Variants in TPP2 observed in about 807,000 individuals in gnomAD.
The protein encoded by TPP2 is tripeptidyl-peptidase 2.
TPP2 carries 34 observed loss-of-function variants against 155.9 expected under a neutral mutation model. The ratio of observed to expected loss-of-function variants is 0.22; its 90% CI spans 0.17 to 0.29. The LOEUF is 0.29. Among genes scored for constraint, TPP2 ranks in the 10% least tolerant of loss-of-function variants. The pLI is 1.00. For synonymous variants in TPP2, 510 were observed against 529.4 expected, an observed-to-expected ratio of 0.96 and a Z score of 0.50; for missense variants, 1,028 against 1,522.3, an observed-to-expected ratio of 0.68 and a Z score of 5.40.
In TPP2 at chr13:102,636,451, A is replaced by T. The variant is rs114501591; in HGVS notation, c.1678+59A>T. 5.4e-4 allele frequency: 839 copies of T among 1,542,706 alleles called. 3 individuals carry two copies. In the African/African-American group the frequency reaches 0.01, roughly 19 times the overall value. On this transcript the variant is annotated intron_variant, in intron 13 of 29. Coordinates refer to ENST00000376052, the MANE Select transcript of TPP2 (RefSeq NM_001330588.2). The stretch of plus-strand genomic sequence containing the variant: ...CACATTTGCTGTTTGAATGAGTGGT[A>T]TCATAATAAAGAATTGCTGTTTGGG...
At chr13:102,667,786 G>A (rs1884702069) in intron 27 of TPP2, 2 of 985,432 alleles carry the variant, frequency 2.0e-6, no homozygotes, top group African/African-American at 1.7e-5. Context: ...CATCATTCCA[G>A]CCCTTCTCTG....
intron 14 of TPP2, 73 bp from the exon 15 acceptor site, chr13:102,638,166 G>A (rs2139511711): frequency 1.5e-6 from 2 of 1,359,898 alleles, no homozygotes; most frequent in Non-Finnish European, 2.1e-6. Flanking sequence ...TATTCTGTCA[G>A]TAGTTTAGAC....
At chr13:102,603,265 G>A (rs775337668) in intron 1 of TPP2, among the ~76,000 whole-genome samples, 10 of 152,216 alleles carry the variant, frequency 6.6e-5, no homozygotes, top group Non-Finnish European at 1.5e-4. Flanking sequence ...GAATAAAGTA[G>A]ACATGGCTCT....
intron 4 of TPP2, 41 bp from the exon 5 acceptor site, chr13:102,618,681 G>A: frequency 6.2e-7 from 1 of 1,604,212 alleles, no homozygotes; most frequent in Non-Finnish European, 8.5e-7. Flanking sequence ...CTTTTAGAAG[G>A]ACAGAATGTA....
Position 102,647,239 on chromosome 13 carries a change from A to G in TPP2, c.2523A>G (p.Pro841=). Residue 841 remains proline, a synonymous_variant, in exon 21 of 30, where the codon CCA becomes CCG. Transcript: ENST00000376052. Reference sequence around the variant, plus strand: ...GTGGGGAAGTAACTCCAAGCTGCCCACTACTTTGTGAACTATTATATGAAT... The same window carrying G: ...GTGGGGAAGTAACTCCAAGCTGCCCGCTACTTTGTGAACTATTATATGAAT... The part of the protein sequence containing the change: ...PKSGEVTPSC[P]LLCELLYESE... The G allele has an allele frequency of 6.2e-7, 1 of 1,613,780 alleles. No individual in the cohort carries two copies. The highest frequency in any genetic ancestry group is 8.5e-7 in the Non-Finnish European group (1 of 1,179,892).
rs1179925852 is a variant in TPP2, at chr13:102,678,367, G to A, written c.*51G>A. ...AAAAAAGGAAGTTTTATAGTGAATG[G>A]GTATAAAAACAAATTTGTGGCATTT... On this transcript the variant is annotated 3_prime_UTR_variant, in exon 30 of 30. Transcript: ENST00000376052. 3 of 1,550,772 alleles carry A rather than the reference G, an allele frequency of 1.9e-6. No homozygotes were observed. The highest frequency in any genetic ancestry group is 2.7e-6 in the Non-Finnish European group (3 of 1,129,594).
intron 2 of TPP2, among the ~76,000 whole-genome samples, chr13:102,606,666 C>A (rs935681421): frequency 6.6e-6 from 1 of 152,248 alleles, no homozygotes; most frequent in South Asian, 2.1e-4. Flanking sequence ...TCCTTAATTG[C>A]GTCTGCAAAA....
At chr13:102,602,299 C>T (rs1879490109) in intron 1 of TPP2, among the ~76,000 whole-genome samples, 1 of 151,996 alleles carries the variant, frequency 6.6e-6, no homozygotes, top group Admixed American at 6.6e-5. Flanking sequence ...ATTTTTGAGA[C>T]ATATAGCCTA....
chr13:102,678,103 G>GTCA (rs1246538898), intron 29 of TPP2, 124 bp from the exon 30 acceptor site: 1 of 938,868 alleles, frequency 1.1e-6, no homozygotes, highest in Non-Finnish European at 1.5e-6. Flanking sequence ...GTGACGGTTG[G>GTCA]TGGAAGGAAG....
chr13:102,656,373 T>C (rs947136395), intron 24 of TPP2, among the ~76,000 whole-genome samples: 2 of 152,186 alleles, frequency 1.3e-5, no homozygotes, highest in African/African-American at 4.8e-5. Context: ...CTGTGCTTGC[T>C]TTATACCCAG....
At chr13:102,668,872 G>C (rs924636670) in intron 27 of TPP2, among the ~76,000 whole-genome samples, 1 of 152,182 alleles carries the variant, frequency 6.6e-6, no homozygotes, top group African/African-American at 2.4e-5. Context: ...CATCTCCCAG[G>C]TAATGTCTGG....
rs1023540449 is a variant in TPP2 at position 102,678,594 on chromosome 13, T to A, written c.*278T>A. The stretch of plus-strand genomic sequence containing the variant: ...TAGGACTTCGAGTTGGGTTGCAGCT[T>A]ATGACATGCATGATAGGTTTTGGAA... On this transcript the variant is annotated 3_prime_UTR_variant, in exon 30 of 30. Transcript: ENST00000376052. 14 of 296,578 alleles carry A rather than the reference T, an allele frequency of 4.7e-5. No homozygotes were observed. The highest frequency in any genetic ancestry group is 2.8e-4 in the African/African-American group (13 of 46,514). 18.4% of individuals were successfully genotyped at this position (296,578 alleles called of 1,614,324 possible).
At position 102,652,442 on chromosome 13, in the gene TPP2, ATATATATATAT is replaced by A. The variant is rs1566359201; in HGVS notation, c.2991+1046_2991+1056del. Among the ~76,000 whole-genome samples, 219 of 43,996 alleles carry A rather than the reference ATATATATATAT, an allele frequency of 5.0e-3. 2 individuals are homozygous for A. Among genetic ancestry groups the A allele is most frequent in the Non-Finnish European group, 6.6e-3 (166 of 25,034 alleles). The allele number at this position is 43,996 out of a possible 152,430, so 28.9% of individuals were successfully genotyped here. A position where few individuals can be genotyped will look rare whatever the true frequency, so the allele number is the denominator to read the frequency against. ...TATATATATATATATATATATATAT[ATATATATATAT>A]AAAAGGGACCACATATTTAATAAGC... On this transcript the variant is annotated intron_variant, in intron 24 of 29. Transcript: ENST00000376052.
At chr13:102,619,318 A>G (rs1880981189) in intron 5 of TPP2, among the ~76,000 whole-genome samples, 1 of 152,136 alleles carries the variant, frequency 6.6e-6, no homozygotes, top group Admixed American at 6.6e-5. Flanking sequence ...AGTGCCTTAT[A>G]TACTGCATAT....
rs1473541156 is a variant in TPP2 at position 102,597,004 on chromosome 13, C to T, written c.-35C>T. ...CGCTGCTAGTCCGCGCGCAGCCTGG[C>T]AGTTTGCCGCTTCCTCGTCCTCCAT... On this transcript the variant is annotated 5_prime_UTR_variant, in exon 1 of 30. Transcript: ENST00000376052. The T allele has an allele frequency of 3.7e-6, 6 of 1,604,268 alleles. No homozygotes were observed. Among genetic ancestry groups the T allele is most frequent in the African/African-American group, 2.7e-5 (2 of 73,772 alleles).
chr13:102,677,371 G>GC (rs11355801), intron 29 of TPP2, among the ~76,000 whole-genome samples: 11,861 of 151,272 alleles, frequency 0.078, 626 homozygotes, highest in East Asian at 0.19. Flanking sequence ...CCTCCACTCT[G>GC]CCCCCCCCGC....
At chr13:102,647,167 A>G (rs17507295) in intron 20 of TPP2, 40 bp from the exon 21 acceptor site, 129,210 of 1,550,004 alleles carry the variant, frequency 0.083, 5,954 homozygotes, top group Non-Finnish European at 0.093. Context: ...CAGAAATTAT[A>G]TGCAAATCAT....
At chr13:102,621,692 C>T (rs1055780510) in intron 5 of TPP2, among the ~76,000 whole-genome samples, 4 of 152,146 alleles carry the variant, frequency 2.6e-5, no homozygotes, top group Non-Finnish European at 5.9e-5. Context: ...AGGCCATCAG[C>T]TCATCAGGCA....
At chr13:102,671,541 G>A (rs1884983459) in intron 27 of TPP2, among the ~76,000 whole-genome samples, 1 of 152,104 alleles carries the variant, frequency 6.6e-6, no homozygotes, top group Non-Finnish European at 1.5e-5. Flanking sequence ...CTTGTAAATG[G>A]GCTAGCGGCT....
Sources: allele counts gnomAD v4.1 joint callset (sites outside exome capture counted in the v4.1 genomes callset), GRCh38; gene constraint gnomAD v4.1.1; transcripts MANE v1.5; gene names NCBI Gene and HGNC (gene_info 2026-07-23, HGNC 2026-07-21).